WARS2: variants seen among roughly 807,000 people sequenced by gnomAD.
WARS2 encodes the protein tryptophan--tRNA ligase, mitochondrial.
A neutral mutation model predicts 36.5 loss-of-function variants in WARS2; 28 were observed. The ratio of observed to expected loss-of-function variants is 0.77; its 90% CI spans 0.57 to 1.05. The LOEUF (loss-of-function observed/expected upper bound fraction) is 1.05, where lower values mean the gene tolerates loss of function less well. Ranked by LOEUF, WARS2 falls within the 50% of genes least tolerant of loss-of-function variation. The probability of loss-of-function intolerance (pLI) is 0.00; values close to 1 mark genes in which losing one functional copy is unlikely to be tolerated. For missense variants in WARS2, 435 were observed against 456.8 expected, an observed-to-expected ratio of 0.95 and a Z score of 0.44; for synonymous variants, 174 against 178.4, an observed-to-expected ratio of 0.98 and a Z score of 0.20.
chr1:119,071,980 GA>G (rs1651353733), intron 2 of WARS2, among the ~76,000 whole-genome samples: 1 of 151,966 alleles, frequency 6.6e-6, no homozygotes, highest in East Asian at 1.9e-4. Context: ...AGAAGAAAAA[GA>G]AAAAAAGACT....
intron 1 of WARS2, chr1:119,085,904 C>T: frequency 6.2e-7 from 1 of 1,610,566 alleles, no homozygotes; most frequent in Non-Finnish European, 8.5e-7. Flanking sequence ...CAAGCTGGAC[C>T]TCTCGCTCAT....
chr1:119,042,405 A>T (rs1263894745), intron 3 of WARS2, 56 bp from the exon 4 acceptor site: 10 of 1,515,546 alleles, frequency 6.6e-6, no homozygotes, highest in African/African-American at 1.4e-5. Context: ...CTTGAACCTA[A>T]TTATACTGCT....
At chr1:119,106,963 C>A (rs1571367455) in intron 1 of WARS2, among the ~76,000 whole-genome samples, 1 of 152,254 alleles carries the variant, frequency 6.6e-6, no homozygotes, top group East Asian at 1.9e-4. Flanking sequence ...ACATTCTTGC[C>A]AGCATTTGGA....
Position 119,076,424 on chromosome 1 carries a change from T to C in WARS2, c.274A>G (p.Ile92Val). 1 of 1,614,166 alleles carries C rather than the reference T, an allele frequency of 6.2e-7. No individual in the cohort carries two copies. The highest frequency in any genetic ancestry group is 8.5e-7 in the Non-Finnish European group (1 of 1,180,030). The change falls in exon 2 of 6, where the codon ATC becomes GTC. Residue 92 changes from isoleucine to valine, a missense_variant. Ile to Val is a conservative substitution (Grantham distance 29, BLOSUM62 3). Transcript: ENST00000235521. ...PQDPAVLRQS[I>V]LDMTAVLLAC... ...AGAAGAACAGCAGTCATGTCCAGGA[T>C]GCTCTGCCGAAGGACAGCTGGGTCT...
chr1:119,096,040 CTGTG>C (rs1422578786), intron 1 of WARS2, among the ~76,000 whole-genome samples: 1 of 152,122 alleles, frequency 6.6e-6, no homozygotes, highest in Non-Finnish European at 1.5e-5. Context: ...GTCTATGTGT[CTGTG>C]TATGTTTATA....
At chr1:119,135,701 A>G (rs1048129151) in intron 1 of WARS2, among the ~76,000 whole-genome samples, 1 of 150,668 alleles carries the variant, frequency 6.6e-6, no homozygotes, top group East Asian at 1.9e-4. Flanking sequence ...ATAGAGATAG[A>G]TAGATTAGAT....
intron 1 of WARS2, among the ~76,000 whole-genome samples, chr1:119,113,183 G>C (rs1446816498): frequency 6.6e-6 from 1 of 152,192 alleles, no homozygotes; most frequent in Non-Finnish European, 1.5e-5. Context: ...GCAACAAATT[G>C]AGTTTGCCTA....
intron 1 of WARS2, among the ~76,000 whole-genome samples, chr1:119,134,900 C>T (rs1040789374): frequency 6.6e-6 from 1 of 152,178 alleles, no homozygotes; most frequent in Non-Finnish European, 1.5e-5. Flanking sequence ...AGTAAGTGTT[C>T]TCTGTGAGGA....
At chr1:119,130,610 TAATTA>T (rs1010446378) in intron 1 of WARS2, among the ~76,000 whole-genome samples, 15 of 152,250 alleles carry the variant, frequency 9.9e-5, no homozygotes, top group African/African-American at 3.6e-4. Flanking sequence ...ACAACTTTTG[TAATTA>T]AATAAATAAA....
chr1:119,036,394 C>T (rs1159990872), intron 4 of WARS2, among the ~76,000 whole-genome samples: 3 of 152,116 alleles, frequency 2.0e-5, no homozygotes, highest in African/African-American at 7.2e-5. Flanking sequence ...ACATGATACT[C>T]CTCTCTGGGA....
rs79805531 is a variant in WARS2 at position 119,082,055 on chromosome 1, A to G, written c.91-5448T>C. 8.0e-3 allele frequency among the ~76,000 whole-genome samples: 1,223 copies of G among 152,292 alleles called. 27 individuals carry two copies. Among genetic ancestry groups the G allele is most frequent in the East Asian group, 0.063 (327 of 5,184 alleles). ...AGTAAATATTAATTCAGTATAAGAG[A>G]AAGAAGGTCCTACATCACCTCCAAA... On this transcript the variant is annotated intron_variant, in intron 1 of 5. Coordinates refer to ENST00000235521, the MANE Select transcript of WARS2 (RefSeq NM_015836.4).
At chr1:119,135,731 T>TAGATAGAC (rs1656444044) in intron 1 of WARS2, among the ~76,000 whole-genome samples, 1 of 115,508 alleles carries the variant, frequency 8.7e-6, no homozygotes, top group Non-Finnish European at 1.9e-5. Context: ...GATAGATAGA[T>TAGATAGAC]AGATAGATAG....
chr1:119,034,484 T>G (rs1647707799), intron 4 of WARS2, among the ~76,000 whole-genome samples: 1 of 152,096 alleles, frequency 6.6e-6, no homozygotes, highest in African/African-American at 2.4e-5. Flanking sequence ...GAGGGAGGAA[T>G]GGGATTTTAA....
At chr1:119,071,318 G>A (rs10923744) in intron 2 of WARS2, among the ~76,000 whole-genome samples, 71,490 of 151,944 alleles carry the variant, frequency 0.47, 18,072 homozygotes, top group African/African-American at 0.65. Flanking sequence ...GGACTATCAT[G>A]TAAGCCAGCA....
In WARS2 at chr1:119,031,934, T is replaced by G. The variant is rs527619189; in HGVS notation, c.*977A>C. ...AGTTCGCATCCATTGGCTGAATTGATGATATAAAAAACATCATCAGTCGTT... is the reference window on the plus strand; with the variant it reads ...AGTTCGCATCCATTGGCTGAATTGAGGATATAAAAAACATCATCAGTCGTT... On this transcript the variant is annotated 3_prime_UTR_variant, in exon 6 of 6. Transcript: ENST00000235521. 6.5e-6 allele frequency: 1 copy of G among 152,736 alleles called. No homozygotes were observed. Among genetic ancestry groups the G allele is most frequent in the African/African-American group, 2.4e-5 (1 of 41,462 alleles). The allele number at this position is 152,736 out of a possible 1,614,324, so 9.5% of individuals were successfully genotyped here. A position where few individuals can be genotyped will look rare whatever the true frequency, so the allele number is the denominator to read the frequency against.
rs538750862 is a variant in WARS2 at position 119,035,852 on chromosome 1, AG to A, written c.516-1640del. On this transcript the variant is annotated intron_variant, in intron 4 of 5. Coordinates refer to ENST00000235521, the MANE Select transcript of WARS2 (RefSeq NM_015836.4). ...AACAAGAACAGAACAATCAATGGAA[AG>A]GCAAAATGTAAGGACCATGACAGCA... is the stretch of plus-strand genomic sequence containing the variant. Among the ~76,000 whole-genome samples, 25 of 152,350 alleles carry A rather than the reference AG, an allele frequency of 1.6e-4. No individual in the cohort carries two copies. In the South Asian group the frequency reaches 4.8e-3, roughly 29 times the overall value.
At chr1:119,091,257 T>C (rs587611771) in intron 1 of WARS2, among the ~76,000 whole-genome samples, 1 of 152,352 alleles carries the variant, frequency 6.6e-6, no homozygotes, top group African/African-American at 2.4e-5. Context: ...CTAACATTTA[T>C]TGAGTGCTTA....
At chr1:119,136,138 G>A (rs1168539460) in intron 1 of WARS2, among the ~76,000 whole-genome samples, 2 of 152,130 alleles carry the variant, frequency 1.3e-5, no homozygotes, top group Admixed American at 1.3e-4. Context: ...GTGTGTGTGT[G>A]TGTGTGTACA....
At chr1:119,068,172 G>C (rs529577871) in intron 2 of WARS2, among the ~76,000 whole-genome samples, 10 of 152,124 alleles carry the variant, frequency 6.6e-5, no homozygotes, top group African/African-American at 2.4e-4. Context: ...AGCTGAAAGA[G>C]CACCTATTGT....
Sources: gnomAD v4.1 joint callset for allele counts (sites outside exome capture counted in the v4.1 genomes callset) on GRCh38, gnomAD v4.1.1 for gene constraint, MANE v1.5 for transcripts, NCBI Gene and HGNC (gene_info 2026-07-23, HGNC 2026-07-21) for gene names.